The following SLC47A1 variants were observed in gnomAD, a reference collection of about 807,000 sequenced individuals.
SLC47A1 encodes the protein solute carrier family 47 member 1.
In SLC47A1, 58 loss-of-function variants were observed where a neutral mutation model predicts 65.8. That is an observed-to-expected ratio of 0.88 (90% confidence interval 0.71 to 1.10). SLC47A1 has a LOEUF of 1.10. SLC47A1 is among the 50% of genes least tolerant of loss of function. The pLI is 0.00. For missense variants in SLC47A1, 706 were observed against 719.2 expected, an observed-to-expected ratio of 0.98 and a Z score of 0.21; for synonymous variants, 285 against 295.0, an observed-to-expected ratio of 0.97 and a Z score of 0.35.
At position 19,542,112 on chromosome 17, in the gene SLC47A1, G is replaced by A. The variant is rs138815617; in HGVS notation, c.136-281G>A. 8.6e-3 allele frequency among the ~76,000 whole-genome samples: 1,306 copies of A among 152,166 alleles called. 13 individuals carry two copies. The highest frequency in any genetic ancestry group is 0.014 in the Non-Finnish European group (955 of 68,008). ...TGCACTCCAGCCCAGGTGACAGTGT[G>A]AGACTCTGTCTCAAAAAAAAAGAAA... is the stretch of plus-strand genomic sequence containing the variant. On this transcript the variant is annotated intron_variant, in intron 1 of 16. Coordinates refer to ENST00000270570, the MANE Select transcript of SLC47A1 (RefSeq NM_018242.3).
chr17:19,548,044 C>T lies in SLC47A1; in HGVS notation c.366C>T (p.Val122=). ...VGVILQRSAL[V]LLLCCFPCWA... is the part of the protein sequence containing the mutation. ...TGATCCTGCAGCGGAGTGCGCTCGT[C>T]CTGCTCCTCTGCTGCTTCCCCTGCT... The change falls in exon 4 of 17, where the codon GTC becomes GTT. Residue 122 remains valine (V), a synonymous_variant. Coordinates refer to ENST00000270570, the MANE Select transcript of SLC47A1 (RefSeq NM_018242.3). The T allele has an allele frequency of 6.2e-7, 1 of 1,614,134 alleles. No individual in the cohort carries two copies. The highest frequency in any genetic ancestry group is 8.5e-7 in the Non-Finnish European group (1 of 1,180,028).
Position 19,572,780 on chromosome 17 carries a change from G to T in SLC47A1, c.1405G>T (p.Ala469Ser), listed in dbSNP as rs148155569. The T allele has an allele frequency of 1.9e-6, 3 of 1,613,888 alleles. No individual in the cohort carries two copies. The highest frequency in any genetic ancestry group is 2.5e-6 in the Non-Finnish European group (3 of 1,179,954). Residue 469 changes from alanine to serine, a missense_variant and splice_region_variant, in exon 16 of 17, where the codon GCT becomes TCT. Physicochemically the swap from Ala to Ser is moderately conservative, Grantham distance 99. Coordinates refer to ENST00000270570, the MANE Select transcript of SLC47A1 (RefSeq NM_018242.3). ...TGATGGACTGAGTTTCATTTTCCAG[G>T]CTCAGGTACACGCCAATTTGAAAGT... The part of the protein sequence containing the change: ...QLNWKKACQQ[A>S]QVHANLKVNN...
chr17:19,551,826 C>T (rs1597499754), intron 6 of SLC47A1, among the ~76,000 whole-genome samples: 2 of 152,324 alleles, frequency 1.3e-5, no homozygotes, highest in African/African-American at 2.4e-5. Context: ...TAAGACAGAG[C>T]GCAGGCTGGG....
Position 19,571,536 on chromosome 17 carries a change from T to A in SLC47A1, c.1368T>A (p.Phe456Leu), listed in dbSNP as rs1226711485. 6.2e-7 allele frequency: 1 copy of A among 1,614,074 alleles called. No individual in the cohort carries two copies. Among genetic ancestry groups the A allele is most frequent in the Non-Finnish European group, 8.5e-7 (1 of 1,180,026 alleles). ...TTCAAGCTGTGTGTTTTCTAGGCTT[T>A]ATTATTCAGCTAAATTGGAAAAAAG... ...TVFQAVCFLG[F>L]IIQLNWKKAC... Residue 456 changes from phenylalanine to leucine, a missense_variant, in exon 15 of 17, where the codon TTT becomes TTA. Transcript: ENST00000270570.
At chr17:19,558,094 A>T (rs1443460) in intron 10 of SLC47A1, among the ~76,000 whole-genome samples, 1 of 152,178 alleles carries the variant, frequency 6.6e-6, no homozygotes, top group Non-Finnish European at 1.5e-5. Context: ...TACACAGTCC[A>T]TGTTCAAATA....
intron 1 of SLC47A1, among the ~76,000 whole-genome samples, chr17:19,541,847 C>T (rs1171322783): frequency 6.6e-6 from 1 of 152,186 alleles, no homozygotes; most frequent in Non-Finnish European, 1.5e-5. Context: ...GAAAGGCAGG[C>T]TGGGCGCAGT....
chr17:19,561,244 A>G (rs963404276), intron 12 of SLC47A1, among the ~76,000 whole-genome samples: 2 of 149,778 alleles, frequency 1.3e-5, no homozygotes, highest in African/African-American at 4.9e-5. Flanking sequence ...GGTGACAAGA[A>G]TGAGACTCCA....
intron 11 of SLC47A1, 57 bp from the exon 12 acceptor site, chr17:19,560,361 A>G (rs2084299340): frequency 2.5e-6 from 4 of 1,611,306 alleles, no homozygotes; most frequent in Non-Finnish European, 3.4e-6. Flanking sequence ...AGGCTCCTCC[A>G]CTTCCTGTGG....
chr17:19,550,681 T>A (rs1447068660), intron 5 of SLC47A1, among the ~76,000 whole-genome samples: 1 of 152,186 alleles, frequency 6.6e-6, no homozygotes, highest in Non-Finnish European at 1.5e-5. Context: ...GCTTCCGTAA[T>A]ATAATACCAC....
At chr17:19,565,695 C>T (rs1313998193) in intron 12 of SLC47A1, among the ~76,000 whole-genome samples, 1 of 149,368 alleles carries the variant, frequency 6.7e-6, no homozygotes, top group South Asian at 2.1e-4. Flanking sequence ...ATTCTCCTGT[C>T]TCAGCCTCCC....
rs184002872 is a variant in SLC47A1, at chr17:19,540,231, C to T, written c.136-2162C>T. ...TAAGATCTGGGCAGCACTCCAAAGG[C>T]CGGGCAGTAGGGGAGACCGAGCACA... On this transcript the variant is annotated intron_variant, in intron 1 of 16. Transcript: ENST00000270570. 6.6e-5 allele frequency among the ~76,000 whole-genome samples: 10 copies of T among 152,146 alleles called. No homozygotes were observed. In the South Asian group the frequency reaches 1.9e-3, roughly 28 times the overall value.
chr17:19,576,201 A>G (rs1306055905), intron 16 of SLC47A1, among the ~76,000 whole-genome samples: 1 of 150,914 alleles, frequency 6.6e-6, no homozygotes, highest in East Asian at 1.9e-4. Flanking sequence ...TGATCTCCAA[A>G]GAGTTTTTAA....
In SLC47A1 at chr17:19,566,972, T is replaced by C. The variant is rs531476432; in HGVS notation, c.1176+113T>C. On this transcript the variant is annotated intron_variant, in intron 13 of 16. Coordinates refer to ENST00000270570, the MANE Select transcript of SLC47A1 (RefSeq NM_018242.3). ...GGAAGATTGAATATTGTTACCACAT[T>C]TCGTTTAGAAGGATACTGTCACCTT... is the stretch of plus-strand genomic sequence containing the variant. The C allele has an allele frequency of 2.5e-4, 391 of 1,588,310 alleles. 1 individual carries two copies. The African/African-American group carries it at 4.9e-3, about 20-fold the overall frequency.
rs144308134 is a variant in SLC47A1 at position 19,540,849 on chromosome 17, G to GACACAC, written c.136-1521_136-1516dup. Among the ~76,000 whole-genome samples, 574 of 142,992 alleles carry GACACAC rather than the reference G, an allele frequency of 4.0e-3. 2 individuals carry two copies. Among genetic ancestry groups the GACACAC allele is most frequent in the African/African-American group, 0.012 (469 of 39,906 alleles). 93.8% of individuals were successfully genotyped at this position (142,992 alleles called of 152,430 possible). On this transcript the variant is annotated intron_variant, in intron 1 of 16. Transcript: ENST00000270570. Reference sequence around the variant, plus strand: ...CAAGAAAGATACTTCTCCTACAACAGACACACACACACACACACACACACA... The same window carrying GACACAC: ...CAAGAAAGATACTTCTCCTACAACAGACACACACACACACACACACACACACACACA...
At chr17:19,540,675 T>C (rs1236580668) in intron 1 of SLC47A1, among the ~76,000 whole-genome samples, 1 of 152,182 alleles carries the variant, frequency 6.6e-6, no homozygotes, top group Non-Finnish European at 1.5e-5. Flanking sequence ...CCCACCCCCT[T>C]TTTATTCCCA....
chr17:19,548,331 A>G (rs745476617), intron 4 of SLC47A1, among the ~76,000 whole-genome samples, 198 bp downstream of exon 4: 4 of 152,032 alleles, frequency 2.6e-5, no homozygotes, highest in Non-Finnish European at 5.9e-5. Context: ...GGTGACTTGC[A>G]TGGTTAAGAG....
chr17:19,540,613 G>T (rs896768053), intron 1 of SLC47A1, among the ~76,000 whole-genome samples: 6 of 152,192 alleles, frequency 3.9e-5, no homozygotes, highest in African/African-American at 1.4e-4. Flanking sequence ...TCTAGGTTTA[G>T]ATTCTCCAGC....
In SLC47A1 at chr17:19,551,469, G is replaced by A. The variant is rs1057103541; in HGVS notation, c.543+1G>A. The A allele has an allele frequency of 6.2e-7, 1 of 1,609,694 alleles. No individual in the cohort carries two copies. The highest frequency in any genetic ancestry group is 1.1e-5 in the South Asian group (1 of 90,996). ...ACAAGTTAAATATTTGCTCAACCAG[G>A]TAATACTGACTGTTCTCTTCCTTTG... On this transcript the variant is annotated splice_donor_variant, in intron 6 of 16. Transcript: ENST00000270570. LOFTEE classifies it high-confidence loss of function.
chr17:19,564,407 G>C (rs2084340236), intron 12 of SLC47A1: 1 of 152,064 alleles, frequency 6.6e-6, no homozygotes, highest in African/African-American at 2.4e-5. Flanking sequence ...ACATCATATA[G>C]AGAATGCTGC....
Sources: gnomAD v4.1 joint callset for allele counts (sites outside exome capture counted in the v4.1 genomes callset) on GRCh38, gnomAD v4.1.1 for gene constraint, MANE v1.5 for transcripts, NCBI Gene and HGNC (gene_info 2026-07-23, HGNC 2026-07-21) for gene names.